The following SEZ6L variants were observed in gnomAD, a reference collection of about 807,000 sequenced individuals.
SEZ6L encodes the protein seizure related 6 homolog like, also known as seizure 6-like protein.
Under a neutral mutation model 106.2 loss-of-function variants are expected in SEZ6L, and 37 were observed. That is an observed-to-expected ratio of 0.35 (90% CI 0.27 to 0.46). SEZ6L has a LOEUF of 0.46. SEZ6L is among the 20% of genes least tolerant of loss of function. The probability of loss-of-function intolerance (pLI) is 1.00; values close to 1 mark genes in which losing one functional copy is unlikely to be tolerated. For synonymous variants in SEZ6L, 541 were observed against 570.4 expected (o/e 0.95, Z 0.73); for missense variants, 1,172 against 1,332.8 (o/e 0.88, Z 1.88).
intron 1 of SEZ6L, among the ~76,000 whole-genome samples, chr22:26,265,551 C>T (rs2080148099): frequency 6.6e-6 from 1 of 152,174 alleles, no homozygotes; most frequent in Non-Finnish European, 1.5e-5. Context: ...TTCTCTCTTC[C>T]TCTCACTGGA....
At chr22:26,350,228 ATT>A (rs997748200) in intron 11 of SEZ6L, among the ~76,000 whole-genome samples, 62 of 146,036 alleles carry the variant, frequency 4.2e-4, no homozygotes, top group African/African-American at 1.6e-3. Context: ...ATATATATAT[ATT>A]TATATGTATT....
At chr22:26,177,408 G>A (rs1346323071) in intron 1 of SEZ6L, among the ~76,000 whole-genome samples, 1 of 152,174 alleles carries the variant, frequency 6.6e-6, no homozygotes, top group African/African-American at 2.4e-5. Context: ...GCCATTCATC[G>A]GGTCCTCACT....
chr22:26,306,080 G>A lies in SEZ6L; in HGVS notation c.1450G>A (p.Glu484Lys). Residue 484 changes from glutamate (E) to lysine (K), a missense_variant, in exon 6 of 17, where the codon GAA becomes AAA. Around this residue, in one of 4 missense-constraint regions of SEZ6L, gnomAD observed 534 missense variants for 691.0 expected, o/e 0.77. Coordinates refer to ENST00000248933, the MANE Select transcript of SEZ6L (RefSeq NM_021115.5). ...NGSQFCIWTI[E>K]APEGQKLHLH... ...GAGCCAATTCTGCATCTGGACGATT[G>A]AAGCTCCAGAGGGCCAGAAGCTGCA... 6.2e-7 allele frequency: 1 copy of A among 1,614,070 alleles called. No individual in the cohort carries two copies. Among genetic ancestry groups the A allele is most frequent in the Non-Finnish European group, 8.5e-7 (1 of 1,179,992 alleles).
At chr22:26,353,315 T>A (rs1270920986) in intron 12 of SEZ6L, among the ~76,000 whole-genome samples, 1 of 152,192 alleles carries the variant, frequency 6.6e-6, no homozygotes, top group Non-Finnish European at 1.5e-5. Context: ...TGTAAACATG[T>A]GTTTTTGTGT....
At chr22:26,261,934 G>A (rs2080021831) in intron 1 of SEZ6L, among the ~76,000 whole-genome samples, 3 of 152,052 alleles carry the variant, frequency 2.0e-5, no homozygotes, top group Non-Finnish European at 2.9e-5. Flanking sequence ...GAGACCAGTG[G>A]ATTTCAGCTG....
intron 9 of SEZ6L, among the ~76,000 whole-genome samples, chr22:26,328,611 C>A (rs1457113874): frequency 2.0e-5 from 3 of 152,108 alleles, no homozygotes; most frequent in African/African-American, 7.3e-5. Flanking sequence ...CTTGCCAGAG[C>A]CTCGCCCACT....
At chr22:26,377,913 C>G (rs1362728047) in intron 16 of SEZ6L, 138 bp downstream of exon 16, 10 of 656,610 alleles carry the variant, frequency 1.5e-5, no homozygotes, top group Non-Finnish European at 2.7e-5. Flanking sequence ...ACCAAGAGCC[C>G]TAAAGAGATA....
intron 1 of SEZ6L, among the ~76,000 whole-genome samples, chr22:26,220,934 T>C (rs900946708): frequency 6.6e-6 from 1 of 151,268 alleles, no homozygotes; most frequent in African/African-American, 2.4e-5. Context: ...GATGGGTGGA[T>C]GGATGGATGA....
intron 1 of SEZ6L, chr22:26,242,971 C>T (rs1211050624): frequency 6.6e-6 from 1 of 152,154 alleles, no homozygotes; most frequent in Non-Finnish European, 1.5e-5. Context: ...AGGTTGATTC[C>T]TTCTGGAGGT....
chr22:26,321,353 A>C (rs191551550), intron 9 of SEZ6L, among the ~76,000 whole-genome samples: 264 of 152,336 alleles, frequency 1.7e-3, no homozygotes, highest in African/African-American at 6.0e-3. Context: ...GCGTCCATGA[A>C]GTAGGACAGC....
intron 1 of SEZ6L, among the ~76,000 whole-genome samples, chr22:26,208,293 A>G (rs1028768014): frequency 1.3e-5 from 2 of 152,114 alleles, no homozygotes; most frequent in Non-Finnish European, 2.9e-5. Context: ...GACAACTTCC[A>G]ATGCTCCTGA....
intron 1 of SEZ6L, among the ~76,000 whole-genome samples, chr22:26,283,713 C>T (rs1178741253): frequency 1.3e-5 from 2 of 151,986 alleles, no homozygotes; most frequent in Non-Finnish European, 2.9e-5. Context: ...TAAATAATAG[C>T]AGTAAAATAA....
intron 9 of SEZ6L, among the ~76,000 whole-genome samples, chr22:26,339,466 G>C (rs2082754688): frequency 6.6e-6 from 1 of 152,198 alleles, no homozygotes. Flanking sequence ...CTGTGGTATA[G>C]TGAAGTGATT....
At chr22:26,230,599 C>T (rs1486368572) in intron 1 of SEZ6L, among the ~76,000 whole-genome samples, 1 of 152,180 alleles carries the variant, frequency 6.6e-6, no homozygotes, top group Non-Finnish European at 1.5e-5. Flanking sequence ...GCTGCTAGAA[C>T]AAGGACTGAG....
intron 12 of SEZ6L, among the ~76,000 whole-genome samples, chr22:26,359,091 A>G (rs1355369633): frequency 6.6e-6 from 1 of 152,244 alleles, no homozygotes; most frequent in Non-Finnish European, 1.5e-5. Context: ...TGCAGCAGAC[A>G]CAGGCCTCCA....
In SEZ6L at chr22:26,299,541, G is replaced by T. The variant is rs183338508; in HGVS notation, c.1348+372G>T. Among the ~76,000 whole-genome samples, 459 of 152,218 alleles carry T rather than the reference G, an allele frequency of 3.0e-3. 3 individuals carry two copies. Among genetic ancestry groups the T allele is most frequent in the African/African-American group, 0.01 (430 of 41,530 alleles). The stretch of plus-strand genomic sequence containing the variant: ...TGTCTCTGTGGATTTATCTATTGTG[G>T]ATATTTTATGTAAATGGAATCATAT... On this transcript the variant is annotated intron_variant, in intron 5 of 16. Transcript: ENST00000248933.
intron 4 of SEZ6L, 117 bp from the exon 5 acceptor site, chr22:26,298,867 G>T: frequency 1.2e-6 from 1 of 854,868 alleles, no homozygotes. Flanking sequence ...CAGAGCTCTG[G>T]AGTCCCCAGG....
rs1332781112 is a variant in SEZ6L, at chr22:26,240,070, ACACACACACACACACACACACT to A, written c.95-52314_95-52293del. On this transcript the variant is annotated intron_variant, in intron 1 of 16. Coordinates refer to ENST00000248933, the MANE Select transcript of SEZ6L (RefSeq NM_021115.5). ...AACACACACATACACACATACAGAC[ACACACACACACACACACACACT>A]CACACACACACACACACACACACAC... Among the ~76,000 whole-genome samples, 96 of 88,382 alleles carry A rather than the reference ACACACACACACACACACACACT, an allele frequency of 1.1e-3. 1 individual carries two copies. Among genetic ancestry groups the A allele is most frequent in the African/African-American group, 3.2e-3 (80 of 25,090 alleles). 58.0% of individuals were successfully genotyped at this position (88,382 alleles called of 152,430 possible). A position where few individuals can be genotyped will look rare whatever the true frequency, so the allele number is the denominator to read the frequency against.
rs1250244347 is a variant in SEZ6L, at chr22:26,297,097, G to T, written c.1162+17G>T. ...ACTACCAGGGTAGGGTCAGGCCAAG[G>T]CTGATGAAACATAGGCGTTTGCCTC... On this transcript the variant is annotated intron_variant, in intron 4 of 16. Coordinates refer to ENST00000248933, the MANE Select transcript of SEZ6L (RefSeq NM_021115.5). The T allele has an allele frequency of 6.4e-7, 1 of 1,572,136 alleles. No individual in the cohort carries two copies. Among genetic ancestry groups the T allele is most frequent in the Admixed American group, 1.8e-5 (1 of 54,714 alleles).
Sources: gnomAD v4.1 joint callset for allele counts (sites outside exome capture counted in the v4.1 genomes callset) on GRCh38, gnomAD v4.1.1 for gene constraint, gnomAD v4.1.1 regional missense constraint, MANE v1.5 for transcripts, NCBI Gene and HGNC (gene_info 2026-07-23, HGNC 2026-07-21) for gene names.